Variants in MST1R observed in about 807,000 individuals in gnomAD.
MST1R encodes macrophage stimulating 1 receptor, also known as macrophage-stimulating protein receptor.
A neutral mutation model predicts 117.8 loss-of-function variants in MST1R; 99 were observed. That is an observed-to-expected ratio of 0.84 (90% CI 0.71 to 0.99). The LOEUF is 0.99. Among genes scored for constraint, MST1R ranks in the 50% least tolerant of loss-of-function variants. The pLI, the probability that MST1R is intolerant of heterozygous loss-of-function variation, is 0.00. For synonymous variants in MST1R, 734 were observed against 765.3 expected, an observed-to-expected ratio of 0.96 and a Z score of 0.68; for missense variants, 1,683 against 1,840.2, an observed-to-expected ratio of 0.91 and a Z score of 1.56.
chr3:49,896,834 A>ACACTGGC lies in MST1R; in HGVS notation c.2233_2239dup (p.Val747GlyfsTer6), dbSNP rs1463653526. The ACACTGGC allele has an allele frequency of 6.4e-7, 1 of 1,555,686 alleles. No individual in the cohort carries two copies. Among genetic ancestry groups the ACACTGGC allele is most frequent in the Non-Finnish European group, 8.7e-7 (1 of 1,148,882 alleles). On this transcript the variant is annotated frameshift_variant, in exon 8 of 20. Transcript: ENST00000296474. LOFTEE classifies it high-confidence loss of function. ...ACCCCCCACCTGCAGGCTAAGGGGG[A>ACACTGGC]CACTGGCCACCGTGGCCCCAGGGGG...
At chr3:49,900,356 G>A (rs1306427683) in intron 1 of MST1R, among the ~76,000 whole-genome samples, 1 of 152,134 alleles carries the variant, frequency 6.6e-6, no homozygotes, top group African/African-American at 2.4e-5. Context: ...AGTACACCAG[G>A]GTATGAACTC....
rs2108501918 is a variant in MST1R, at chr3:49,902,522, T to G, written c.1088A>C (p.Asn363Thr). 1 of 1,613,972 alleles carries G rather than the reference T, an allele frequency of 6.2e-7. No individual in the cohort carries two copies. Among genetic ancestry groups the G allele is most frequent in the Non-Finnish European group, 8.5e-7 (1 of 1,180,012 alleles). Residue 363 changes from asparagine to threonine, a missense_variant, in exon 1 of 20, where the codon AAC (asparagine) becomes ACC (threonine). Physicochemically the swap from Asn to Thr is moderately conservative, Grantham distance 65. Coordinates refer to ENST00000296474, the MANE Select transcript of MST1R (RefSeq NM_002447.4). ...AATGGGGAAGGCACAGACGACAGAG[T>G]TGGGGCCCACGCCAGGACCACCATC... Reference protein sequence around the residue: ...GKDGGPGVGPNSVVCAFPIDL... With the variant: ...GKDGGPGVGPTSVVCAFPIDL...
intron 14 of MST1R, among the ~76,000 whole-genome samples, chr3:49,893,387 T>G (rs1362715601): frequency 6.6e-6 from 1 of 151,672 alleles, no homozygotes; most frequent in Non-Finnish European, 1.5e-5. Flanking sequence ...GCAGATCACC[T>G]GAGGTTAGGA....
rs2108458005 is a variant in MST1R at position 49,897,529 on chromosome 3, G to C, written c.2037C>G (p.Phe679Leu). 6.2e-7 allele frequency: 1 copy of C among 1,613,704 alleles called. No individual in the cohort carries two copies. Among genetic ancestry groups the C allele is most frequent in the Non-Finnish European group, 8.5e-7 (1 of 1,179,792 alleles). Reference protein sequence around the residue: ...RVDGTSVLRGFSFMEPVLIAV... With the variant: ...RVDGTSVLRGLSFMEPVLIAV... ...GGCAAGGTAGCCTCACCATGAAAGA[G>C]AAGCCTCTCAGCACGGAGGTGCCGT... The change falls in exon 6 of 20, where the codon TTC becomes TTG. Residue 679 changes from phenylalanine to leucine, a missense_variant. Physicochemically the swap from Phe to Leu is conservative, Grantham distance 22. Transcript: ENST00000296474.
At chr3:49,898,774 TG>T in intron 3 of MST1R, 86 bp from the exon 4 acceptor site, 3 of 1,603,794 alleles carry the variant, frequency 1.9e-6, no homozygotes, top group Non-Finnish European at 2.6e-6. Flanking sequence ...TAGGCTAGGG[TG>T]GTAGGGCCTG....
rs2082525936 is a variant in MST1R at position 49,897,623 on chromosome 3, T to C, written c.1943A>G (p.Gln648Arg). ...FECELEPLGT[Q>R]AVGPTNVSLT... ...GCTGACGTTGGTAGGCCCCACTGCC[T>C]GGGTGCCCAAGGGCTCCAGTTCACA... The change falls in exon 6 of 20, where the codon CAG becomes CGG. Residue 648 changes from glutamine to arginine, a missense_variant. Physicochemically the swap from Gln to Arg is conservative, Grantham distance 43. Transcript: ENST00000296474. 6.2e-7 allele frequency: 1 copy of C among 1,614,170 alleles called. No homozygotes were observed.
Position 49,887,580 on chromosome 3 carries a change from T to A in MST1R, c.3948-18A>T. On this transcript the variant is annotated intron_variant, in intron 19 of 19. Coordinates refer to ENST00000296474, the MANE Select transcript of MST1R (RefSeq NM_002447.4). ...CTTGGTACCTGTTGGGGGAAAGGGA[T>A]GTCAGGTTAAGGCAATTTCCACCCA... 6.2e-7 allele frequency: 1 copy of A among 1,611,864 alleles called. No homozygotes were observed. Among genetic ancestry groups the A allele is most frequent in the Admixed American group, 1.7e-5 (1 of 59,930 alleles).
At chr3:49,898,775 G>A in intron 3 of MST1R, 87 bp from the exon 4 acceptor site, 7 of 1,604,760 alleles carry the variant, frequency 4.4e-6, no homozygotes, top group Non-Finnish European at 6.0e-6. Context: ...AGGCTAGGGT[G>A]GTAGGGCCTG....
At chr3:49,891,662 T>C in intron 15 of MST1R, 82 bp from the exon 16 acceptor site, 2 of 1,608,676 alleles carry the variant, frequency 1.2e-6, no homozygotes, top group Non-Finnish European at 1.7e-6. Context: ...GAAGGTCTCC[T>C]GCTCAGGGTC....
In MST1R at chr3:49,898,984, G is replaced by T; in HGVS notation, c.1431C>A (p.Val477=). 6.2e-7 allele frequency: 1 copy of T among 1,614,154 alleles called. No individual in the cohort carries two copies. Among genetic ancestry groups the T allele is most frequent in the South Asian group, 1.1e-5 (1 of 91,040 alleles). ...CATACAGCAAGTAGTTTAGTGACCT[G>T]ACCAGCTCCACCTAGGACAGGTCAG... The part of the protein sequence containing the change: ...MDGRILQVEL[V]RSLNYLLYVS... The change falls in exon 3 of 20, where the codon GTC becomes GTA. Residue 477 remains valine, a synonymous_variant. Transcript: ENST00000296474.
chr3:49,898,521 AGTAAGCTTAGGTGGGCAGT>A lies in MST1R; in HGVS notation c.1697_1715del (p.His566LeufsTer10). The A allele has an allele frequency of 6.2e-7, 1 of 1,613,462 alleles. No homozygotes were observed. The highest frequency in any genetic ancestry group is 8.5e-7 in the Non-Finnish European group (1 of 1,179,846). ...TGCCCTGCCAGGGAAGCCATACCTC[AGTAAGCTTAGGTGGGCAGT>A]GGTCCTGTTGCCAGGAGCCAGGACA... On this transcript the variant is annotated frameshift_variant, in exon 4 of 20. Coordinates refer to ENST00000296474, the MANE Select transcript of MST1R (RefSeq NM_002447.4). LOFTEE classifies it high-confidence loss of function.
chr3:49,894,672 T>C (rs1415448009), intron 14 of MST1R, among the ~76,000 whole-genome samples: 1 of 152,206 alleles, frequency 6.6e-6, no homozygotes, highest in African/African-American at 2.4e-5. Context: ...CAGAACCCAC[T>C]GAAGACAGAA....
At position 49,902,869 on chromosome 3, in the gene MST1R, A is replaced by G. The variant is rs1432109927; in HGVS notation, c.741T>C (p.Ile247=). 4 of 1,613,608 alleles carry G rather than the reference A, an allele frequency of 2.5e-6. No homozygotes were observed. The highest frequency in any genetic ancestry group is 3.4e-6 in the Non-Finnish European group (4 of 1,180,044). The change falls in exon 1 of 20, where the codon ATT becomes ATC. Residue 247 remains isoleucine (I), a synonymous_variant. Transcript: ENST00000296474. Reference sequence around the variant, plus strand: ...CCGTGTGGAAGCTGTGCACGTATTCAATACTGTAGGAGACAAGATGCTTGG... The same window carrying G: ...CCGTGTGGAAGCTGTGCACGTATTCGATACTGTAGGAGACAAGATGCTTGG... ...VLPKHLVSYS[I]EYVHSFHTGA...
At chr3:49,890,172 C>A (rs372352588) in intron 18 of MST1R, 112 bp from the exon 19 acceptor site, 1 of 1,340,242 alleles carries the variant, frequency 7.5e-7, no homozygotes, top group African/African-American at 1.5e-5. Context: ...AAGACCCTAC[C>A]CTCCACTGAG....
chr3:49,889,867 T>C, intron 19 of MST1R, 57 bp downstream of exon 19: 2 of 1,600,332 alleles, frequency 1.2e-6, no homozygotes, highest in Non-Finnish European at 1.7e-6. Context: ...CTGTCTCCTG[T>C]CTCTTCCATG....
At chr3:49,891,058 T>C in intron 17 of MST1R, 139 bp downstream of exon 17, 1 of 772,208 alleles carries the variant, frequency 1.3e-6, no homozygotes. Context: ...AGTCCAAGTC[T>C]GCACTGGGCA....
rs1422863723 is a variant in MST1R at position 49,902,777 on chromosome 3, G to A, written c.833C>T (p.Thr278Ile). Residue 278 changes from threonine (T) to isoleucine (I), a missense_variant, in exon 1 of 20, where the codon ACA becomes ATA. Coordinates refer to ENST00000296474, the MANE Select transcript of MST1R (RefSeq NM_002447.4). Reference sequence around the variant, plus strand: ...AGTGGCGCTAAGCCGTGCCAGGCGTGTGTGCAGGGCACTAGGATCATCTGT... The same window carrying A: ...AGTGGCGCTAAGCCGTGCCAGGCGTATGTGCAGGGCACTAGGATCATCTGT... ...SVTDDPSALH[T>I]RLARLSATEP... The A allele has an allele frequency of 1.9e-6, 3 of 1,613,824 alleles. No individual in the cohort carries two copies. The highest frequency in any genetic ancestry group is 2.5e-6 in the Non-Finnish European group (3 of 1,180,064).
chr3:49,901,671 C>T (rs953589698), intron 1 of MST1R, among the ~76,000 whole-genome samples: 3 of 150,254 alleles, frequency 2.0e-5, no homozygotes, highest in African/African-American at 4.9e-5. Flanking sequence ...ATGGCAAAAA[C>T]GTTAGTGAAG....
At position 49,891,849 on chromosome 3, in the gene MST1R, G is replaced by A. The variant is rs752131304; in HGVS notation, c.3272-11C>T. ...CAACTCCAAAGTGGCCTGGTGTGAG[G>A]TGCATAATGAGTCGATGAGAGGGGA... On this transcript the variant is annotated splice_polypyrimidine_tract_variant and intron_variant, in intron 14 of 19. Coordinates refer to ENST00000296474, the MANE Select transcript of MST1R (RefSeq NM_002447.4). The A allele has an allele frequency of 3.7e-5, 59 of 1,613,668 alleles. No individual in the cohort carries two copies. Among genetic ancestry groups the A allele is most frequent in the African/African-American group, 8.0e-5 (6 of 74,890 alleles).
Sources: allele counts gnomAD v4.1 joint callset (sites outside exome capture counted in the v4.1 genomes callset), GRCh38; gene constraint gnomAD v4.1.1; transcripts MANE v1.5; gene names NCBI Gene and HGNC (gene_info 2026-07-23, HGNC 2026-07-21).